MGAT4C: variants seen among roughly 807,000 people sequenced by gnomAD.
MGAT4C encodes MGAT4 family member C, also known as alpha-1,3-mannosyl-glycoprotein 4-beta-N-acetylglucosaminyltransferase C.
Under a neutral mutation model 40.1 loss-of-function variants are expected in MGAT4C, and 19 were observed. That is an observed-to-expected ratio of 0.47 (90% CI 0.33 to 0.70). The LOEUF (loss-of-function observed/expected upper bound fraction) is 0.70. Among genes scored for constraint, MGAT4C ranks in the 30% least tolerant of loss-of-function variants. MGAT4C has a pLI of 0.02. For missense variants in MGAT4C, 491 were observed against 563.2 expected (o/e 0.87, Z 1.30); for synonymous variants, 181 against 187.1 (o/e 0.97, Z 0.27).
chr12:86,639,988 T>C (rs1963333804), intron 2 of MGAT4C, among the ~76,000 whole-genome samples: 1 of 151,722 alleles, frequency 6.6e-6, no homozygotes, highest in Non-Finnish European at 1.5e-5. Flanking sequence ...CATATATATA[T>C]AGTTACACTT....
chr12:86,308,175 C>T (rs1953986552), intron 4 of MGAT4C, among the ~76,000 whole-genome samples: 1 of 150,596 alleles, frequency 6.6e-6, no homozygotes, highest in Non-Finnish European at 1.5e-5. Context: ...CACACACAGA[C>T]ATGTATAATG....
At chr12:86,741,305 T>C (rs533680013) in intron 1 of MGAT4C, among the ~76,000 whole-genome samples, 1 of 151,448 alleles carries the variant, frequency 6.6e-6, no homozygotes, top group East Asian at 1.9e-4. Context: ...TAGATTATAC[T>C]TTAAATTATT....
intron 1 of MGAT4C, among the ~76,000 whole-genome samples, chr12:86,054,887 G>A (rs1359564308): frequency 1.3e-5 from 2 of 151,572 alleles, no homozygotes; most frequent in Non-Finnish European, 2.9e-5. Context: ...AAACATCTCG[G>A]TTTTAAAGGA....
chr12:86,694,709 C>T (rs905177356), intron 2 of MGAT4C, among the ~76,000 whole-genome samples: 1 of 152,054 alleles, frequency 6.6e-6, no homozygotes, highest in African/African-American at 2.4e-5. Context: ...TGTATATAAG[C>T]AGAATAATGA....
chr12:86,010,556 T>C (rs1386517763), intron 2 of MGAT4C, among the ~76,000 whole-genome samples: 1 of 152,160 alleles, frequency 6.6e-6, no homozygotes, highest in East Asian at 1.9e-4. Context: ...TGCACACCCG[T>C]AATCTCAGTT....
At chr12:86,648,575 T>C (rs1333151692) in intron 2 of MGAT4C, among the ~76,000 whole-genome samples, 2 of 151,786 alleles carry the variant, frequency 1.3e-5, no homozygotes, top group Non-Finnish European at 2.9e-5. Flanking sequence ...AATGAGAAGA[T>C]AGACATCTAC....
intron 3 of MGAT4C, among the ~76,000 whole-genome samples, chr12:86,415,554 A>G (rs1430500336): frequency 2.6e-5 from 4 of 151,954 alleles, no homozygotes; most frequent in Non-Finnish European, 4.4e-5. Flanking sequence ...AAGTTTGAGG[A>G]TTTATTTTTT....
chr12:86,247,558 T>C (rs568735630), intron 1 of MGAT4C, among the ~76,000 whole-genome samples: 1 of 152,288 alleles, frequency 6.6e-6, no homozygotes, highest in South Asian at 2.1e-4. Context: ...GAACCTGTAA[T>C]AGGGATATCT....
At chr12:86,083,140 G>A (rs1187380408) in intron 1 of MGAT4C, among the ~76,000 whole-genome samples, 1 of 151,828 alleles carries the variant, frequency 6.6e-6, no homozygotes, top group Non-Finnish European at 1.5e-5. Context: ...TTGCTCCATT[G>A]CCATTTAAAT....
At chr12:86,142,304 A>G (rs1468629226) in intron 1 of MGAT4C, among the ~76,000 whole-genome samples, 1 of 152,186 alleles carries the variant, frequency 6.6e-6, no homozygotes, top group Non-Finnish European at 1.5e-5. Context: ...TGTGCAGGTT[A>G]AAGATGGAGC....
At chr12:86,626,459 A>G (rs953595920) in intron 2 of MGAT4C, among the ~76,000 whole-genome samples, 1 of 152,206 alleles carries the variant, frequency 6.6e-6, no homozygotes, top group Non-Finnish European at 1.5e-5. Context: ...TTCTGATTTT[A>G]TTAAACAACT....
intron 1 of MGAT4C, among the ~76,000 whole-genome samples, chr12:86,815,575 A>G (rs1223212859): frequency 6.6e-6 from 1 of 151,834 alleles, no homozygotes; most frequent in Non-Finnish European, 1.5e-5. Flanking sequence ...ACAATTCACA[A>G]TAGCAAAATC....
intron 1 of MGAT4C, among the ~76,000 whole-genome samples, chr12:86,219,170 C>T (rs1270042351): frequency 6.6e-6 from 1 of 151,878 alleles, no homozygotes; most frequent in Non-Finnish European, 1.5e-5. Flanking sequence ...CAGAGTGAGA[C>T]TCCATCTCAA....
chr12:86,338,714 CTT>C (rs1954840179), intron 3 of MGAT4C, among the ~76,000 whole-genome samples: 1 of 152,032 alleles, frequency 6.6e-6, no homozygotes, highest in Admixed American at 6.6e-5. Flanking sequence ...AATCCCACCA[CTT>C]TGGGAGGTCG....
intron 1 of MGAT4C, among the ~76,000 whole-genome samples, chr12:86,246,300 C>T (rs1009928539): frequency 1.6e-4 from 24 of 151,256 alleles, no homozygotes; most frequent in Admixed American, 1.2e-3. Flanking sequence ...ATTCTCCTGC[C>T]TCAGCCTCCG....
At chr12:86,453,342 C>A (rs1406027666) in intron 2 of MGAT4C, among the ~76,000 whole-genome samples, 1 of 152,070 alleles carries the variant, frequency 6.6e-6, no homozygotes, top group Non-Finnish European at 1.5e-5. Context: ...TTACAGTTTT[C>A]AGTAGAAACA....
In MGAT4C at chr12:86,639,154, A is replaced by G. The variant is rs58248310; in HGVS notation, c.-229+88055T>C. Among the ~76,000 whole-genome samples, 453 of 151,822 alleles carry G rather than the reference A, an allele frequency of 3.0e-3. 2 individuals carry two copies. Among genetic ancestry groups the G allele is most frequent in the African/African-American group, 0.01 (432 of 41,514 alleles). Reference sequence around the variant, plus strand: ...TCTCTGTTGCACAATGTCATTTACCAAAATTATTTTGCTTTACCTTGGGCA... The same window carrying G: ...TCTCTGTTGCACAATGTCATTTACCGAAATTATTTTGCTTTACCTTGGGCA... On this transcript the variant is annotated intron_variant, in intron 2 of 7. Coordinates refer to the MGAT4C transcript ENST00000548651.
intron 1 of MGAT4C, among the ~76,000 whole-genome samples, chr12:86,203,317 A>G (rs772699557): frequency 6.6e-6 from 1 of 152,132 alleles, no homozygotes; most frequent in Non-Finnish European, 1.5e-5. Flanking sequence ...AGGGTAGGCT[A>G]GAACTCTAAT....
chr12:86,322,351 A>T (rs529357414), intron 4 of MGAT4C, among the ~76,000 whole-genome samples: 1 of 151,912 alleles, frequency 6.6e-6, no homozygotes, highest in African/African-American at 2.4e-5. Context: ...GTGCACATGT[A>T]CCCTAGAACT....
Sources: allele counts gnomAD v4.1 joint callset (sites outside exome capture counted in the v4.1 genomes callset), GRCh38; gene constraint gnomAD v4.1.1; transcripts MANE v1.5; gene names NCBI Gene and HGNC (gene_info 2026-07-23, HGNC 2026-07-21).